The following SLC22A4 variants were observed in gnomAD, a reference collection of about 807,000 sequenced individuals.
The protein encoded by SLC22A4 is solute carrier family 22 member 4, also known as ET transporter.
SLC22A4 carries 39 observed loss-of-function variants against 56.6 expected under a neutral mutation model. The observed-to-expected ratio is 0.69, with a 90% CI of 0.53 to 0.90. The LOEUF (loss-of-function observed/expected upper bound fraction) is 0.90, where lower values mean the gene tolerates loss of function less well. Among genes scored for constraint, SLC22A4 ranks in the 40% least tolerant of loss-of-function variants. The pLI is 0.00. For synonymous variants in SLC22A4, 241 were observed against 281.4 expected (o/e 0.86, Z 1.44); for missense variants, 594 against 696.5 (o/e 0.85, Z 1.66).
intron 1 of SLC22A4, among the ~76,000 whole-genome samples, chr5:132,296,450 CAAG>C (rs1749777152): frequency 6.6e-6 from 1 of 152,248 alleles, no homozygotes; most frequent in African/African-American, 2.4e-5. Context: ...CTATGATAAA[CAAG>C]AAGACCAGTG....
At chr5:132,317,266 T>G (rs1377978784) in intron 3 of SLC22A4, among the ~76,000 whole-genome samples, 1 of 152,226 alleles carries the variant, frequency 6.6e-6, no homozygotes, top group Non-Finnish European at 1.5e-5. Context: ...GTTTAGCATA[T>G]TCACAAAGTT....
intron 1 of SLC22A4, among the ~76,000 whole-genome samples, chr5:132,309,099 G>A (rs1750114976): frequency 6.6e-6 from 1 of 152,184 alleles, no homozygotes. Context: ...CCTCAAACCT[G>A]AAGGGCCCAG....
intron 4 of SLC22A4, among the ~76,000 whole-genome samples, chr5:132,324,074 C>T (rs1750613800): frequency 1.3e-5 from 2 of 152,202 alleles, no homozygotes; most frequent in South Asian, 4.1e-4. Flanking sequence ...CGCCTGTAGT[C>T]CCAGCTACTT....
At chr5:132,330,962 G>C (rs1007343174) in intron 5 of SLC22A4, among the ~76,000 whole-genome samples, 1 of 152,020 alleles carries the variant, frequency 6.6e-6, no homozygotes, top group African/African-American at 2.4e-5. Context: ...ATTTTATATA[G>C]CAGTAAGCTG....
chr5:132,340,726 T>A (rs1301057903), intron 9 of SLC22A4, 26 bp downstream of exon 9: 2 of 1,608,098 alleles, frequency 1.2e-6, no homozygotes, highest in Non-Finnish European at 1.7e-6. Flanking sequence ...AACAAAATGA[T>A]ACCAAAATGC....
rs192199099 is a variant in SLC22A4 at position 132,319,864 on chromosome 5, T to G, written c.653-2320T>G. Among the ~76,000 whole-genome samples the G allele has an allele frequency of 3.1e-3, 472 of 152,338 alleles. 3 individuals are homozygous for G. Among genetic ancestry groups the G allele is most frequent in the African/African-American group, 0.011 (447 of 41,578 alleles). ...GCCTTGGCTTCCCTAGTGCTGGGAT[T>G]ACAGGCATAAGCCACCGTGCCTGGC... On this transcript the variant is annotated intron_variant, in intron 3 of 9. Coordinates refer to ENST00000200652, the MANE Select transcript of SLC22A4 (RefSeq NM_003059.3).
In SLC22A4 at chr5:132,313,871, G is replaced by A. The variant is rs572240609; in HGVS notation, c.652+103G>A. On this transcript the variant is annotated intron_variant, in intron 3 of 9. Coordinates refer to ENST00000200652, the MANE Select transcript of SLC22A4 (RefSeq NM_003059.3). ...TTGGGCTGTGCTTCCAAAGCCTTTG[G>A]ATATATGTGTCTTGGGAGGGAGCCG... 11 of 1,263,504 alleles carry A rather than the reference G, an allele frequency of 8.7e-6. No individual in the cohort carries two copies. In the East Asian group the frequency reaches 2.3e-4, roughly 27 times the overall value. 78.3% of individuals were successfully genotyped at this position (1,263,504 alleles called of 1,614,324 possible).
chr5:132,320,276 T>C (rs1750492830), intron 3 of SLC22A4, among the ~76,000 whole-genome samples: 1 of 152,362 alleles, frequency 6.6e-6, no homozygotes, highest in Admixed American at 6.5e-5. Flanking sequence ...TCCTCTGGCC[T>C]CACAATTCTA....
intron 3 of SLC22A4, among the ~76,000 whole-genome samples, chr5:132,317,876 C>T (rs1008709276): frequency 3.9e-5 from 6 of 152,168 alleles, no homozygotes; most frequent in Non-Finnish European, 7.3e-5. Context: ...CATATAAATA[C>T]GTAAACATGA....
At chr5:132,315,868 T>G (rs1308843896) in intron 3 of SLC22A4, among the ~76,000 whole-genome samples, 1 of 152,130 alleles carries the variant, frequency 6.6e-6, no homozygotes, top group Non-Finnish European at 1.5e-5. Context: ...ACTCGTTGTG[T>G]TGGGTTCTCA....
intron 6 of SLC22A4, among the ~76,000 whole-genome samples, chr5:132,334,000 G>A (rs1300113175): frequency 6.6e-6 from 1 of 151,998 alleles, no homozygotes; most frequent in Admixed American, 6.6e-5. Flanking sequence ...GTAGAGACGG[G>A]GTTTCACCAT....
chr5:132,343,506 G>T lies in SLC22A4; in HGVS notation c.1581-254G>T, dbSNP rs573548719. 3.3e-5 allele frequency among the ~76,000 whole-genome samples: 5 copies of T among 152,162 alleles called. No homozygotes were observed. The South Asian group carries it at 8.3e-4, about 25-fold the overall frequency. On this transcript the variant is annotated intron_variant, in intron 9 of 9. Coordinates refer to ENST00000200652, the MANE Select transcript of SLC22A4 (RefSeq NM_003059.3). The stretch of plus-strand genomic sequence containing the variant: ...CAACTTTAATTGCCAAGAATTTCAT[G>T]CCTCCCTCTCTATCCTTTGCTTGGG...
At chr5:132,315,323 G>A (rs1457461060) in intron 3 of SLC22A4, among the ~76,000 whole-genome samples, 2 of 152,214 alleles carry the variant, frequency 1.3e-5, no homozygotes, top group Non-Finnish European at 2.9e-5. Context: ...ATCTGGAACA[G>A]AAGGGTAGAG....
At chr5:132,310,228 T>C (rs1750147402) in intron 1 of SLC22A4, among the ~76,000 whole-genome samples, 1 of 152,250 alleles carries the variant, frequency 6.6e-6, no homozygotes, top group African/African-American at 2.4e-5. Flanking sequence ...ATTTACTTGC[T>C]ATGACTTCAG....
At chr5:132,305,144 G>T (rs1749994854) in intron 1 of SLC22A4, among the ~76,000 whole-genome samples, 1 of 152,072 alleles carries the variant, frequency 6.6e-6, no homozygotes, top group Admixed American at 6.5e-5. Context: ...AAATTTAAAA[G>T]TAACTCAAGG....
At chr5:132,295,071 C>T in intron 1 of SLC22A4, 62 bp downstream of exon 1, 1 of 1,533,308 alleles carries the variant, frequency 6.5e-7, no homozygotes, top group Non-Finnish European at 8.9e-7. Context: ...CGTCAGCCCC[C>T]CTTGAGACTC....
chr5:132,340,769 G>A (rs1290931661), intron 9 of SLC22A4, 69 bp downstream of exon 9: 4 of 1,427,066 alleles, frequency 2.8e-6, no homozygotes, highest in Non-Finnish European at 4.0e-6. Context: ...GAATAGCTAG[G>A]AAGGTTCTGA....
At chr5:132,307,846 T>C (rs997873793) in intron 1 of SLC22A4, among the ~76,000 whole-genome samples, 3 of 152,090 alleles carry the variant, frequency 2.0e-5, no homozygotes, top group African/African-American at 7.2e-5. Flanking sequence ...TCACTTATCT[T>C]TATGGTCCTT....
At chr5:132,304,760 A>C (rs760311243) in intron 1 of SLC22A4, among the ~76,000 whole-genome samples, 4 of 152,000 alleles carry the variant, frequency 2.6e-5, no homozygotes, top group Non-Finnish European at 5.9e-5. Context: ...TGACCTATAC[A>C]TGGGGGGAAA....
Sources: gnomAD v4.1 joint callset for allele counts (sites outside exome capture counted in the v4.1 genomes callset) on GRCh38, gnomAD v4.1.1 for gene constraint, MANE v1.5 for transcripts, NCBI Gene and HGNC (gene_info 2026-07-23, HGNC 2026-07-21) for gene names.